Variants in ATG2B observed in about 807,000 individuals in gnomAD.
The protein encoded by ATG2B is autophagy related 2B.
A neutral mutation model predicts 241.3 loss-of-function variants in ATG2B; 121 were observed. The ratio of observed to expected loss-of-function variants is 0.50; its 90% CI spans 0.43 to 0.58. ATG2B has a LOEUF of 0.58. Among genes scored for constraint, ATG2B ranks in the 20% least tolerant of loss-of-function variants. The pLI is 0.00. For missense variants in ATG2B, 2,306 were observed against 2,491.6 expected, an observed-to-expected ratio of 0.93 and a Z score of 1.59; for synonymous variants, 858 against 876.6, an observed-to-expected ratio of 0.98 and a Z score of 0.37.
Position 96,283,341 on chromosome 14 carries a change from T to C in ATG2B, c.*2414A>G, listed in dbSNP as rs1205855984. 2.0e-5 allele frequency: 3 copies of C among 152,180 alleles called. No homozygotes were observed. The highest frequency in any genetic ancestry group is 4.4e-5 in the Non-Finnish European group (3 of 68,098). 9.4% of individuals were successfully genotyped at this position (152,180 alleles called of 1,614,324 possible). On this transcript the variant is annotated 3_prime_UTR_variant, in exon 42 of 42. Transcript: ENST00000359933. The stretch of plus-strand genomic sequence containing the variant: ...CAGGCACAGTGGCAGTTCAGAAAAG[T>C]ATTGCTCTGAGAGATCTGAGATCTA...
At chr14:96,355,881 G>A (rs906991866) in intron 1 of ATG2B, among the ~76,000 whole-genome samples, 3 of 152,030 alleles carry the variant, frequency 2.0e-5, no homozygotes, top group Admixed American at 6.6e-5. Context: ...ATAAAAACGC[G>A]CATGAGCTGG....
intron 34 of ATG2B, among the ~76,000 whole-genome samples, chr14:96,301,230 A>G (rs1886780566): frequency 6.6e-6 from 1 of 152,236 alleles, no homozygotes; most frequent in African/African-American, 2.4e-5. Context: ...TATGATACAC[A>G]TATTACTATT....
chr14:96,291,611 G>A lies in ATG2B; in HGVS notation c.5568C>T (p.Ser1856=), dbSNP rs1293433962. 1 of 1,599,528 alleles carries A rather than the reference G, an allele frequency of 6.3e-7. No homozygotes were observed. The highest frequency in any genetic ancestry group is 1.3e-5 in the African/African-American group (1 of 74,846). ...NCSELKLKRL[S]YRHGLLGVDK... is the part of the protein sequence containing the mutation. ...ATAAATTCACTTACCCATGTCGATA[G>A]GAAAGCCTCTTGAGCTTTAGTTCAG... The change falls in exon 38 of 42, where the codon TCC becomes TCT. Residue 1856 remains serine, a synonymous_variant. Coordinates refer to ENST00000359933, the MANE Select transcript of ATG2B (RefSeq NM_018036.7).
In ATG2B at chr14:96,332,585, C is replaced by G; in HGVS notation, c.1278G>C (p.Gly426=). 6.2e-7 allele frequency: 1 copy of G among 1,609,978 alleles called. No individual in the cohort carries two copies. The highest frequency in any genetic ancestry group is 2.2e-5 in the East Asian group (1 of 44,838). The change falls in exon 9 of 42, where the codon GGG becomes GGC. Residue 426 remains glycine (G), a synonymous_variant. Coordinates refer to ENST00000359933, the MANE Select transcript of ATG2B (RefSeq NM_018036.7). ...ACTCAAGGTCCATGTTTGGGGGGTC[C>G]CCAAGGGGTGGAAGAGAAGAGAGAC... The part of the protein sequence containing the change: ...SHSLSSLPPL[G]DPPNMDLELS...
Position 96,347,272 on chromosome 14 carries a change from A to C in ATG2B, c.232T>G (p.Ser78Ala). The C allele has an allele frequency of 6.2e-7, 1 of 1,611,772 alleles. No homozygotes were observed. Among genetic ancestry groups the C allele is most frequent in the Non-Finnish European group, 8.5e-7 (1 of 1,178,178 alleles). Residue 78 changes from serine to alanine, a missense_variant, in exon 2 of 42, where the codon TCC becomes GCC. Ser to Ala is a moderately conservative substitution (Grantham distance 99). Around this residue, in one of 2 missense-constraint regions of ATG2B, gnomAD observed 1,927 missense variants for 2,011.2 expected, o/e 0.96. Transcript: ENST00000359933. The stretch of plus-strand genomic sequence containing the variant: ...AAAGAGCCCCATGGAACTGACAGGG[A>C]AATTGACTGAATGAATCCTTCAGTG... ...EVTEGFIQSI[S>A]LSVPWGSLLQ...
chr14:96,347,611 T>C (rs1888204456), intron 1 of ATG2B, among the ~76,000 whole-genome samples: 1 of 152,018 alleles, frequency 6.6e-6, no homozygotes, highest in African/African-American at 2.4e-5. Flanking sequence ...TCAGAACATA[T>C]AAGGAGCTCA....
At position 96,295,605 on chromosome 14, in the gene ATG2B, C is replaced by T. The variant is rs377353589; in HGVS notation, c.5140-45G>A. 18 of 1,301,226 alleles carry T rather than the reference C, an allele frequency of 1.4e-5. No individual in the cohort carries two copies. The East Asian group carries it at 4.0e-4, about 29-fold the overall frequency. 80.6% of individuals were successfully genotyped at this position (1,301,226 alleles called of 1,614,324 possible). On this transcript the variant is annotated intron_variant, in intron 34 of 41. Transcript: ENST00000359933. ...TTTTAACTAAGGAAGAAAAGAATCA[C>T]CTATTTCTAAAACTATGAAACAAAG...
At chr14:96,343,750 A>G (rs921123594) in intron 4 of ATG2B, among the ~76,000 whole-genome samples, 2 of 152,330 alleles carry the variant, frequency 1.3e-5, no homozygotes, top group East Asian at 3.9e-4. Flanking sequence ...TTGAATTCCT[A>G]TATGTGACTA....
In ATG2B at chr14:96,290,706, A is replaced by G; in HGVS notation, c.5701+108T>C. On this transcript the variant is annotated intron_variant, in intron 39 of 41. Coordinates refer to ENST00000359933, the MANE Select transcript of ATG2B (RefSeq NM_018036.7). The surrounding 1 kb of genome is among the most constrained non-coding windows in gnomAD (Gnocchi z 4.4). Reference sequence around the variant, plus strand: ...GGCAAAGTTTTGTGTATATGAGTACATATGTGAGTTTTCTAGACTAATGGT... The same window carrying G: ...GGCAAAGTTTTGTGTATATGAGTACGTATGTGAGTTTTCTAGACTAATGGT... 2 of 1,539,846 alleles carry G rather than the reference A, an allele frequency of 1.3e-6. No individual in the cohort carries two copies. The highest frequency in any genetic ancestry group is 2.3e-5 in the East Asian group (1 of 44,342).
intron 1 of ATG2B, among the ~76,000 whole-genome samples, chr14:96,362,128 C>T (rs1002777661): frequency 2.0e-5 from 3 of 152,134 alleles, no homozygotes. Context: ...TTTAAAATGT[C>T]TGAAAATTGC....
At chr14:96,329,976 G>T (rs1887688707) in intron 11 of ATG2B, among the ~76,000 whole-genome samples, 1 of 151,670 alleles carries the variant, frequency 6.6e-6, no homozygotes, top group Non-Finnish European at 1.5e-5. Flanking sequence ...AAGCCCAAAT[G>T]AGGTCTACCT....
Position 96,303,152 on chromosome 14 carries a change from T to C in ATG2B, c.4946A>G (p.Glu1649Gly). The change falls in exon 33 of 42, where the codon GAG becomes GGG. Residue 1649 changes from glutamate (E) to glycine (G), a missense_variant. Around this residue, in one of 2 missense-constraint regions of ATG2B, gnomAD observed 1,927 missense variants for 2,011.2 expected, o/e 0.96. Transcript: ENST00000359933. The part of the protein sequence containing the change: ...SRQVFIVQDL[E>G]IRDRLATSQM... ...TGATGTTGCCAAACGATCTCGAATCTCAAGATCCTGAACAATGAACACCTG... is the reference window on the plus strand; with the variant it reads ...TGATGTTGCCAAACGATCTCGAATCCCAAGATCCTGAACAATGAACACCTG... The C allele has an allele frequency of 6.2e-7, 1 of 1,613,646 alleles. No homozygotes were observed. Among genetic ancestry groups the C allele is most frequent in the Non-Finnish European group, 8.5e-7 (1 of 1,179,828 alleles).
chr14:96,339,516 T>A (rs1183374620), intron 6 of ATG2B, among the ~76,000 whole-genome samples: 1 of 152,008 alleles, frequency 6.6e-6, no homozygotes, highest in East Asian at 1.9e-4. Context: ...TATATATATT[T>A]ACACACAGTG....
At chr14:96,309,644 C>T in intron 28 of ATG2B, 50 bp from the exon 29 acceptor site, 1 of 1,523,272 alleles carries the variant, frequency 6.6e-7, no homozygotes, top group Non-Finnish European at 8.9e-7. Flanking sequence ...TCTTAAAAAC[C>T]AAACTACTTA....
At chr14:96,339,511 A>G (rs1163535043) in intron 6 of ATG2B, among the ~76,000 whole-genome samples, 1 of 152,066 alleles carries the variant, frequency 6.6e-6, no homozygotes, top group African/African-American at 2.4e-5. Context: ...ATATGTATAT[A>G]TATTTACACA....
At chr14:96,286,910 C>T (rs970557349) in intron 41 of ATG2B, among the ~76,000 whole-genome samples, 2 of 152,076 alleles carry the variant, frequency 1.3e-5, no homozygotes, top group Non-Finnish European at 2.9e-5. Flanking sequence ...ACAAGAGCGT[C>T]CTATCTACCC....
At chr14:96,308,283 T>TATGTATATATATATA (rs1491275020) in intron 29 of ATG2B, among the ~76,000 whole-genome samples, 2 of 30,236 alleles carry the variant, frequency 6.6e-5, no homozygotes, top group African/African-American at 2.5e-4. Flanking sequence ...TATATATATA[T>TATGTATATATATATA]TTTTTTTTTT....
chr14:96,315,667 T>C, intron 21 of ATG2B, 84 bp from the exon 22 acceptor site: 1 of 956,562 alleles, frequency 1.0e-6, no homozygotes, highest in Non-Finnish European at 1.6e-6. Flanking sequence ...AAAACAAAAA[T>C]CCACGTACTT....
chr14:96,279,886 G>T lies in ATG2B; in HGVS notation c.*5869C>A, dbSNP rs541967600. On this transcript the variant is annotated 3_prime_UTR_variant, in exon 42 of 42. Coordinates refer to ENST00000359933, the MANE Select transcript of ATG2B (RefSeq NM_018036.7). ...GCATCCAGTGGCCAGAGGCCAGCGGGGGGTGGGAGGGTGGCAACATCCCCT... is the reference window on the plus strand; with the variant it reads ...GCATCCAGTGGCCAGAGGCCAGCGGTGGGTGGGAGGGTGGCAACATCCCCT... 2 of 152,040 alleles carry T rather than the reference G, an allele frequency of 1.3e-5. No homozygotes were observed. The highest frequency in any genetic ancestry group is 2.9e-5 in the Non-Finnish European group (2 of 68,124). The allele number at this position is 152,040 out of a possible 1,614,324, so 9.4% of individuals were successfully genotyped here.
Sources: allele counts gnomAD v4.1 joint callset (sites outside exome capture counted in the v4.1 genomes callset), GRCh38; gene constraint gnomAD v4.1.1; regional missense constraint gnomAD v4.1.1; non-coding constraint Gnocchi (gnomAD v3.1); transcripts MANE v1.5; gene names NCBI Gene and HGNC (gene_info 2026-07-23, HGNC 2026-07-21).